The following IL1RAPL2 variants were observed in gnomAD, a reference collection of about 807,000 sequenced individuals.
IL1RAPL2 encodes interleukin 1 receptor accessory protein like 2.
In IL1RAPL2, 3 loss-of-function variants were observed where a neutral mutation model predicts 44.1. The observed-to-expected ratio is 0.07, with a 90% confidence interval of 0.03 to 0.18. IL1RAPL2 has a LOEUF of 0.18. IL1RAPL2 is among the 10% of genes least tolerant of loss of function. The pLI is 1.00. For synonymous variants in IL1RAPL2, 181 were observed against 178.8 expected (o/e 1.01, Z -0.10); for missense variants, 391 against 496.4 (o/e 0.79, Z 2.02).
At chrX:105,405,392 T>G in intron 5 of IL1RAPL2, among the ~76,000 whole-genome samples, 1 of 112,278 alleles carries the variant, frequency 8.9e-6, no homozygotes, top group Non-Finnish European at 1.9e-5. Flanking sequence ...ATTAACATCC[T>G]ATAATTGTAT....
At chrX:104,651,029 A>G (rs1025585121) in intron 1 of IL1RAPL2, among the ~76,000 whole-genome samples, 2 of 112,236 alleles carry the variant, frequency 1.8e-5, no homozygotes, top group African/African-American at 6.5e-5. Context: ...AGTTTAGCAC[A>G]ATGTCTGGCC....
intron 6 of IL1RAPL2, among the ~76,000 whole-genome samples, chrX:105,715,889 TG>T (rs1316079977): frequency 9.0e-6 from 1 of 111,498 alleles, no homozygotes; most frequent in African/African-American, 3.3e-5. Flanking sequence ...GTACCAAGCA[TG>T]GGTGTGGACT....
intron 5 of IL1RAPL2, among the ~76,000 whole-genome samples, chrX:105,282,236 G>A (rs1220405252): frequency 8.9e-6 from 1 of 111,939 alleles, no homozygotes; most frequent in African/African-American, 3.2e-5. Context: ...TGAGTCCGGA[G>A]GACAAGCATG....
At position 105,619,123 on chromosome X, in the gene IL1RAPL2, GA is replaced by G. The variant is rs998417173; in HGVS notation, c.773-98235del. On this transcript the variant is annotated intron_variant, in intron 6 of 10. Coordinates refer to ENST00000372582, the MANE Select transcript of IL1RAPL2 (RefSeq NM_017416.2). ...ACTTATACATTTCATGTATACATGA[GA>G]AAAAAAAAGCAGAGAAATTAGTAAA... is the stretch of plus-strand genomic sequence containing the variant. Among the ~76,000 whole-genome samples the G allele has an allele frequency of 1.1e-4, 12 of 106,229 alleles. No homozygotes were observed. In the East Asian group the frequency reaches 3.0e-3, roughly 26 times the overall value. 92.2% of individuals were successfully genotyped at this position (106,229 alleles called of 115,157 possible).
chrX:104,611,363 G>A (rs984081773), intron 1 of IL1RAPL2, among the ~76,000 whole-genome samples: 5 of 111,255 alleles, frequency 4.5e-5, no homozygotes, highest in Non-Finnish European at 9.4e-5. Flanking sequence ...TCCCACAGAG[G>A]TGGACTCTAG....
intron 2 of IL1RAPL2, among the ~76,000 whole-genome samples, chrX:105,061,217 A>G (rs2032072213): frequency 9.0e-6 from 1 of 110,990 alleles, no homozygotes; most frequent in South Asian, 3.8e-4. Flanking sequence ...ACTGTATCCC[A>G]TAGGTTTTGG....
chrX:105,220,285 T>G, intron 3 of IL1RAPL2: 6 of 1,211,191 alleles, frequency 5.0e-6, no homozygotes, highest in Non-Finnish European at 6.7e-6. Context: ...TAAGGATATA[T>G]TCTCAAGATA....
chrX:105,395,314 G>A (rs1325741564), intron 5 of IL1RAPL2, among the ~76,000 whole-genome samples: 3 of 108,971 alleles, frequency 2.8e-5, no homozygotes, highest in African/African-American at 1.0e-4. Context: ...AGGCTGAAAG[G>A]GTTCTCACAT....
intron 1 of IL1RAPL2, among the ~76,000 whole-genome samples, chrX:104,636,439 A>C (rs368124010): frequency 6.2e-5 from 7 of 112,304 alleles, no homozygotes; most frequent in Admixed American, 4.7e-4. Flanking sequence ...CTGCCCCCAG[A>C]GGTGGAGTCT....
intron 1 of IL1RAPL2, among the ~76,000 whole-genome samples, chrX:104,593,566 C>T (rs1460582618): frequency 1.8e-5 from 2 of 111,868 alleles, no homozygotes; most frequent in African/African-American, 6.5e-5. Flanking sequence ...CAGCCCCATC[C>T]CCTATTTTGC....
At chrX:105,205,453 G>A (rs781893671) in intron 3 of IL1RAPL2, among the ~76,000 whole-genome samples, 2 of 106,167 alleles carry the variant, frequency 1.9e-5, no homozygotes, top group Non-Finnish European at 3.9e-5. Flanking sequence ...AGCCAGGTGT[G>A]GTAGTGCACG....
At chrX:104,873,512 T>G (rs1290198161) in intron 2 of IL1RAPL2, among the ~76,000 whole-genome samples, 1 of 111,899 alleles carries the variant, frequency 8.9e-6, no homozygotes, top group African/African-American at 3.2e-5. Context: ...TCACTTTTGT[T>G]AGGAGTTTTC....
At chrX:104,870,469 ATACTAGGAATT>A (rs1172046465) in intron 2 of IL1RAPL2, among the ~76,000 whole-genome samples, 2 of 112,565 alleles carry the variant, frequency 1.8e-5, no homozygotes, top group African/African-American at 6.4e-5. Flanking sequence ...TCCAAAGTAG[ATACTAGGAATT>A]TATGGATGAG....
intron 2 of IL1RAPL2, among the ~76,000 whole-genome samples, chrX:104,747,425 A>G (rs775869964): frequency 9.0e-6 from 1 of 111,534 alleles, no homozygotes; most frequent in East Asian, 2.9e-4. Context: ...TGGGAATACA[A>G]TGGTGCCTCA....
intron 3 of IL1RAPL2, among the ~76,000 whole-genome samples, chrX:105,197,138 G>A (rs1298655346): frequency 1.8e-5 from 2 of 111,187 alleles, no homozygotes; most frequent in East Asian, 2.8e-4. Flanking sequence ...GTTTGTGGTA[G>A]GCAAGATCTT....
intron 2 of IL1RAPL2, among the ~76,000 whole-genome samples, chrX:104,672,993 A>AT (rs1055536441): frequency 4.0e-4 from 45 of 111,592 alleles, no homozygotes; most frequent in Non-Finnish European, 7.7e-4. Flanking sequence ...GATTCTGGAT[A>AT]TTAGCCCTTT....
intron 2 of IL1RAPL2, among the ~76,000 whole-genome samples, chrX:104,888,540 A>G (rs1391992153): frequency 9.0e-6 from 1 of 111,082 alleles, no homozygotes; most frequent in African/African-American, 3.3e-5. Flanking sequence ...TTGCCTATCT[A>G]TCCTTCCTGC....
intron 2 of IL1RAPL2, among the ~76,000 whole-genome samples, chrX:104,816,564 C>G (rs1435715737): frequency 8.9e-6 from 1 of 112,275 alleles, no homozygotes; most frequent in Admixed American, 9.5e-5. Flanking sequence ...CTGCTAATGA[C>G]TTTATGATCC....
chrX:104,677,011 A>G (rs985741333), intron 2 of IL1RAPL2, among the ~76,000 whole-genome samples: 3 of 111,159 alleles, frequency 2.7e-5, no homozygotes, highest in Non-Finnish European at 5.6e-5. Context: ...AATTTTTTTC[A>G]AAGTTTTCAA....
Sources: allele counts gnomAD v4.1 joint callset (sites outside exome capture counted in the v4.1 genomes callset), GRCh38; gene constraint gnomAD v4.1.1; transcripts MANE v1.5; gene names NCBI Gene and HGNC (gene_info 2026-07-23, HGNC 2026-07-21).